NXPE2: variants seen among roughly 807,000 people sequenced by gnomAD.
NXPE2 encodes the protein NXPE family member 2.
A neutral mutation model predicts 34.4 loss-of-function variants in NXPE2; 34 were observed. The observed-to-expected ratio is 0.99, with a 90% confidence interval of 0.75 to 1.31. The LOEUF (loss-of-function observed/expected upper bound fraction) is 1.31. Among genes scored for constraint, NXPE2 ranks in the 40% most tolerant of loss-of-function variants. The probability of loss-of-function intolerance (pLI) is 0.00; values close to 1 mark genes in which losing one functional copy is unlikely to be tolerated. For missense variants in NXPE2, 649 were observed against 672.5 expected (o/e 0.97, Z 0.39); for synonymous variants, 235 against 231.3 (o/e 1.02, Z -0.15).
At chr11:114,705,473 C>T (rs1374940641) in intron 4 of NXPE2, among the ~76,000 whole-genome samples, 7 of 152,220 alleles carry the variant, frequency 4.6e-5, no homozygotes, top group Non-Finnish European at 1.0e-4. Flanking sequence ...CCACACATTT[C>T]CTCCTGACTC....
At chr11:114,555,547 C>T in the NXPE2 span, among the ~76,000 whole-genome samples, 1 of 152,252 alleles carries the variant, frequency 6.6e-6, no homozygotes, top group Admixed American at 6.5e-5. Context: ...ATTTTAAGTG[C>T]ACTGTTTTAT....
At chr11:114,564,299 G>C in the NXPE2 span, among the ~76,000 whole-genome samples, 1 of 152,084 alleles carries the variant, frequency 6.6e-6, no homozygotes, top group East Asian at 1.9e-4. Flanking sequence ...TGAACTTTGG[G>C]GACTTGGGGG....
the NXPE2 span, among the ~76,000 whole-genome samples, chr11:114,486,665 G>C: frequency 1.6e-3 from 236 of 152,188 alleles, no homozygotes; most frequent in African/African-American, 5.3e-3. Context: ...ATTTTGATTT[G>C]ATGCTTGTTT....
chr11:114,590,729 C>T, the NXPE2 span, among the ~76,000 whole-genome samples: 2 of 152,142 alleles, frequency 1.3e-5, no homozygotes, highest in South Asian at 2.1e-4. Flanking sequence ...ACTTGATTTG[C>T]AGGTAAAGGA....
the NXPE2 span, among the ~76,000 whole-genome samples, chr11:114,519,081 A>AGAC: frequency 7.2e-5 from 11 of 152,328 alleles, no homozygotes; most frequent in Admixed American, 3.9e-4. Context: ...GTCTAGGCAT[A>AGAC]ATGTGACCAA....
At chr11:114,634,946 G>C in the NXPE2 span, among the ~76,000 whole-genome samples, 1 of 151,878 alleles carries the variant, frequency 6.6e-6, no homozygotes, top group Admixed American at 6.6e-5. Context: ...TGGTGATGAG[G>C]GCCCTTTTTT....
At chr11:114,490,849 A>C in the NXPE2 span, among the ~76,000 whole-genome samples, 2 of 152,250 alleles carry the variant, frequency 1.3e-5, no homozygotes, top group Non-Finnish European at 2.9e-5. Context: ...AAAATGTACA[A>C]ATGGGATCTA....
chr11:114,778,263 T>C, the NXPE2 span, among the ~76,000 whole-genome samples: 833 of 152,280 alleles, frequency 5.5e-3, 9 homozygotes, highest in African/African-American at 0.019. Flanking sequence ...AGACCTTGAC[T>C]CTCTGGCTAG....
the NXPE2 span, among the ~76,000 whole-genome samples, chr11:114,777,011 A>G: frequency 6.6e-6 from 1 of 152,232 alleles, no homozygotes. Context: ...TTCCTAAACA[A>G]TAATTATGTA....
the NXPE2 span, among the ~76,000 whole-genome samples, chr11:114,531,388 C>T: frequency 1.8e-4 from 27 of 152,072 alleles, no homozygotes; most frequent in African/African-American, 6.0e-4. Context: ...TTCAAGCCAC[C>T]GTCATTTATC....
the NXPE2 span, among the ~76,000 whole-genome samples, chr11:114,488,310 T>G: frequency 2.0e-5 from 3 of 152,336 alleles, no homozygotes; most frequent in Admixed American, 2.0e-4. Context: ...TAGTAGCCTC[T>G]AATGATCCTT....
the NXPE2 span, among the ~76,000 whole-genome samples, chr11:114,475,492 C>T: frequency 1.3e-5 from 2 of 152,096 alleles, no homozygotes; most frequent in African/African-American, 4.8e-5. Context: ...TCACCTCGGC[C>T]TCCCAAAGTG....
At chr11:114,520,727 G>A in the NXPE2 span, among the ~76,000 whole-genome samples, 1 of 152,168 alleles carries the variant, frequency 6.6e-6, no homozygotes, top group East Asian at 1.9e-4. Context: ...CACCAAGAGT[G>A]TATGAGAGTT....
the NXPE2 span, among the ~76,000 whole-genome samples, chr11:114,614,995 C>T: frequency 4.7e-5 from 7 of 149,930 alleles, no homozygotes; most frequent in South Asian, 2.1e-4. Context: ...CACTGTTACC[C>T]GGTTTATAAT....
chr11:114,515,490 G>T, the NXPE2 span, among the ~76,000 whole-genome samples: 1 of 152,190 alleles, frequency 6.6e-6, no homozygotes, highest in East Asian at 1.9e-4. Flanking sequence ...AAAAACATGT[G>T]TTCAGAGAAT....
chr11:114,649,192 T>G, the NXPE2 span, among the ~76,000 whole-genome samples: 33 of 152,200 alleles, frequency 2.2e-4, no homozygotes, highest in African/African-American at 6.7e-4. Context: ...TCTGGACCAT[T>G]AATCCTGCCT....
chr11:114,622,481 A>G, the NXPE2 span, among the ~76,000 whole-genome samples: 1 of 149,702 alleles, frequency 6.7e-6, no homozygotes, highest in African/African-American at 2.5e-5. Context: ...TGCCTCATGG[A>G]TAACCACTGT....
chr11:114,627,117 T>G, the NXPE2 span, among the ~76,000 whole-genome samples: 8 of 151,992 alleles, frequency 5.3e-5, no homozygotes, highest in Non-Finnish European at 8.8e-5. Context: ...CCAGGAGAAC[T>G]TCCCCAATCT....
chr11:114,683,612 G>T (rs1392579632), intron 2 of NXPE2, among the ~76,000 whole-genome samples: 1 of 151,980 alleles, frequency 6.6e-6, no homozygotes, highest in Non-Finnish European at 1.5e-5. Flanking sequence ...GTAGACATGG[G>T]GTTTCACCAT....
Sources: allele counts gnomAD v4.1 joint callset (sites outside exome capture counted in the v4.1 genomes callset), GRCh38; gene constraint gnomAD v4.1.1; transcripts MANE v1.5; gene names NCBI Gene and HGNC (gene_info 2026-07-23, HGNC 2026-07-21).